The following LYRM7 variants were observed in gnomAD, a reference collection of about 807,000 sequenced individuals.
LYRM7 encodes complex III assembly factor LYRM7.
A neutral mutation model predicts 15.8 loss-of-function variants in LYRM7; 9 were observed. The ratio of observed to expected loss-of-function variants is 0.57; its 90% CI spans 0.34 to 0.99. LYRM7 has a LOEUF of 0.99. Among genes scored for constraint, LYRM7 ranks in the 50% least tolerant of loss-of-function variants. The pLI is 0.02. For synonymous variants in LYRM7, 39 were observed against 39.4 expected, an observed-to-expected ratio of 0.99 and a Z score of 0.04; for missense variants, 115 against 119.1, an observed-to-expected ratio of 0.97 and a Z score of 0.16.
Position 131,202,503 on chromosome 5 carries a change from AAG to A in LYRM7, c.*2904_*2905del, listed in dbSNP as rs1354804616. ...AGACTCCGTCTCAAAAAAAGAAAAA[AAG>A]AAAACTTTTTTACACATGGGTATCT... On this transcript the variant is annotated 3_prime_UTR_variant, in exon 5 of 5. Transcript: ENST00000379380. 2.0e-5 allele frequency: 3 copies of A among 152,268 alleles called. No individual in the cohort carries two copies. The highest frequency in any genetic ancestry group is 7.2e-5 in the African/African-American group (3 of 41,410). The allele number at this position is 152,268 out of a possible 1,614,324, so 9.4% of individuals were successfully genotyped here.
intron 2 of LYRM7, among the ~76,000 whole-genome samples, chr5:131,181,850 T>C (rs977403569): frequency 7.2e-5 from 11 of 152,284 alleles, no homozygotes; most frequent in African/African-American, 2.4e-4. Flanking sequence ...TAGTTTAACA[T>C]ACTTGTATGT....
At chr5:131,196,251 G>C (rs112741727) in intron 4 of LYRM7, among the ~76,000 whole-genome samples, 105 of 151,632 alleles carry the variant, frequency 6.9e-4, no homozygotes, top group African/African-American at 2.4e-3. Context: ...ACTACCGCTC[G>C]GGCAATCCAA....
chr5:131,175,749 GGTTTTGTTTT>G (rs1554089541), intron 1 of LYRM7, among the ~76,000 whole-genome samples: 9 of 150,990 alleles, frequency 6.0e-5, no homozygotes, highest in South Asian at 4.2e-4. Flanking sequence ...TGCCCAGGCT[GGTTTTGTTTT>G]GTTTTGTTTT....
At chr5:131,193,975 C>T (rs2149665322) in intron 4 of LYRM7, among the ~76,000 whole-genome samples, 1 of 152,070 alleles carries the variant, frequency 6.6e-6, no homozygotes, top group Non-Finnish European at 1.5e-5. Flanking sequence ...CGCCATTGCA[C>T]TCCAGCCTGG....
At chr5:131,194,527 G>A (rs193061863) in intron 4 of LYRM7, among the ~76,000 whole-genome samples, 26 of 152,304 alleles carry the variant, frequency 1.7e-4, no homozygotes, top group East Asian at 1.2e-3. Context: ...AGGCACAGGC[G>A]TTTGATTAGG....
intron 1 of LYRM7, among the ~76,000 whole-genome samples, chr5:131,173,113 C>A (rs1755547872): frequency 6.6e-6 from 1 of 152,068 alleles, no homozygotes; most frequent in African/African-American, 2.4e-5. Flanking sequence ...TTTTTTTAAT[C>A]CCATGCAACA....
intron 1 of LYRM7, among the ~76,000 whole-genome samples, chr5:131,176,598 A>G (rs992497208): frequency 3.3e-5 from 5 of 151,242 alleles, no homozygotes; most frequent in African/African-American, 9.7e-5. Flanking sequence ...AGATTCAGAG[A>G]GTACATATGC....
intron 4 of LYRM7, among the ~76,000 whole-genome samples, chr5:131,192,083 T>G (rs1369447043): frequency 1.5e-5 from 2 of 131,654 alleles, no homozygotes; most frequent in Non-Finnish European, 1.7e-5. Context: ...ACACACACAA[T>G]GCAATATTAT....
chr5:131,188,847 T>C lies in LYRM7; in HGVS notation c.244+1738T>C, dbSNP rs1755837821. Among the ~76,000 whole-genome samples the C allele has an allele frequency of 2.6e-5, 4 of 152,140 alleles. 1 individual carries two copies. The South Asian group carries it at 8.3e-4, about 32-fold the overall frequency. On this transcript the variant is annotated intron_variant, in intron 4 of 4. Coordinates refer to ENST00000379380, the MANE Select transcript of LYRM7 (RefSeq NM_181705.4). ...GTGAAGAGATTCTCCTGTGCTTTCTTCCAAAAGCTTTATTGTAGGCTGGGT... is the reference window on the plus strand; with the variant it reads ...GTGAAGAGATTCTCCTGTGCTTTCTCCCAAAAGCTTTATTGTAGGCTGGGT...
In LYRM7 at chr5:131,203,091, G is replaced by A. The variant is rs1338732275; in HGVS notation, c.*3490G>A. On this transcript the variant is annotated 3_prime_UTR_variant, in exon 5 of 5. Transcript: ENST00000379380. ...AATATGTGGAATTTCTATACCTATT[G>A]ACAAAGCACATAATTTAACCATAAA... The A allele has an allele frequency of 6.6e-6, 1 of 152,250 alleles. No individual in the cohort carries two copies. Among genetic ancestry groups the A allele is most frequent in the Non-Finnish European group, 1.5e-5 (1 of 68,018 alleles). 9.4% of individuals were successfully genotyped at this position (152,250 alleles called of 1,614,324 possible). A position where few individuals can be genotyped will look rare whatever the true frequency, so the allele number is the denominator to read the frequency against.
intron 4 of LYRM7, among the ~76,000 whole-genome samples, chr5:131,193,519 ATG>A (rs201841393): frequency 0.014 from 2,061 of 152,322 alleles, 31 homozygotes; most frequent in Admixed American, 0.032. Context: ...AATATACATA[ATG>A]TGCTTGAAAT....
chr5:131,175,631 C>T (rs2149659257), intron 1 of LYRM7, among the ~76,000 whole-genome samples: 1 of 150,694 alleles, frequency 6.6e-6, no homozygotes, highest in South Asian at 2.1e-4. Flanking sequence ...GCCTCCCAAG[C>T]TCAAGAGATC....
intron 1 of LYRM7, among the ~76,000 whole-genome samples, chr5:131,176,406 T>C (rs1307405442): frequency 6.6e-6 from 1 of 152,158 alleles, no homozygotes; most frequent in Non-Finnish European, 1.5e-5. Context: ...TGACTGTCTT[T>C]TTTACAGTAG....
intron 1 of LYRM7, among the ~76,000 whole-genome samples, chr5:131,177,468 G>A (rs1201526730): frequency 6.6e-6 from 1 of 152,120 alleles, no homozygotes; most frequent in Non-Finnish European, 1.5e-5. Context: ...ATATGTATTT[G>A]CCCTTGTCTT....
rs1257829515 is a variant in LYRM7 at position 131,204,064 on chromosome 5, T to G, written c.*4463T>G. 1 of 151,944 alleles carries G rather than the reference T, an allele frequency of 6.6e-6. No homozygotes were observed. The highest frequency in any genetic ancestry group is 1.5e-5 in the Non-Finnish European group (1 of 67,980). The allele number at this position is 151,944 out of a possible 1,614,324, so 9.4% of individuals were successfully genotyped here. A position where few individuals can be genotyped will look rare whatever the true frequency, so the allele number is the denominator to read the frequency against. ...GGAAATAGCCACTGTCATATCATTT[T>G]TAAAGGAATATAAATTATAGGGCCT... On this transcript the variant is annotated 3_prime_UTR_variant, in exon 5 of 5. Transcript: ENST00000379380.
intron 2 of LYRM7, among the ~76,000 whole-genome samples, chr5:131,181,275 G>GAAAAAAAAAA (rs1195878324): frequency 1.2e-4 from 1 of 8,342 alleles, no homozygotes; most frequent in Admixed American, 3.7e-3. Context: ...GACTCCATCT[G>GAAAAAAAAAA]AAAAAAAAAA....
intron 4 of LYRM7, among the ~76,000 whole-genome samples, chr5:131,194,799 T>C (rs945894306): frequency 6.6e-6 from 1 of 152,172 alleles, no homozygotes; most frequent in African/African-American, 2.4e-5. Context: ...GGTATGGCTT[T>C]GGTCATTGTT....
chr5:131,203,736 A>G lies in LYRM7; in HGVS notation c.*4135A>G, dbSNP rs1409550221. The stretch of plus-strand genomic sequence containing the variant: ...TTATCGAAATCCCAACAAGTTGACA[A>G]ATATATCCACATAAAAATATAAAAC... On this transcript the variant is annotated 3_prime_UTR_variant, in exon 5 of 5. Transcript: ENST00000379380. The G allele has an allele frequency of 6.6e-6, 1 of 152,358 alleles. No homozygotes were observed. The highest frequency in any genetic ancestry group is 1.5e-5 in the Non-Finnish European group (1 of 68,038). The allele number at this position is 152,358 out of a possible 1,614,324, so 9.4% of individuals were successfully genotyped here.
intron 2 of LYRM7, among the ~76,000 whole-genome samples, chr5:131,180,450 C>A (rs940378716): frequency 1.3e-5 from 2 of 152,078 alleles, no homozygotes; most frequent in African/African-American, 4.8e-5. Context: ...AGCCATTGAA[C>A]TTTCTGTTAC....
Sources: allele counts gnomAD v4.1 joint callset (sites outside exome capture counted in the v4.1 genomes callset), GRCh38; gene constraint gnomAD v4.1.1; transcripts MANE v1.5; gene names NCBI Gene and HGNC (gene_info 2026-07-23, HGNC 2026-07-21).